Variants in SEMA3D observed in about 807,000 individuals in gnomAD.
The protein encoded by SEMA3D is semaphorin 3D.
A neutral mutation model predicts 100.1 loss-of-function variants in SEMA3D; 84 were observed. The ratio of observed to expected loss-of-function variants is 0.84; its 90% confidence interval spans 0.70 to 1.01. The LOEUF (loss-of-function observed/expected upper bound fraction) is 1.01, where lower values mean the gene tolerates loss of function less well. Among genes scored for constraint, SEMA3D ranks in the 50% least tolerant of loss-of-function variants. The pLI is 0.00. For missense variants in SEMA3D, 875 were observed against 934.1 expected (o/e 0.94, Z 0.82); for synonymous variants, 312 against 320.7 (o/e 0.97, Z 0.29).
intron 1 of SEMA3D, among the ~76,000 whole-genome samples, chr7:85,171,134 A>G (rs1791072329): frequency 6.6e-6 from 1 of 152,082 alleles, no homozygotes; most frequent in Non-Finnish European, 1.5e-5. Context: ...ACACTTGTGC[A>G]TACAAAGTCA....
intron 5 of SEMA3D, among the ~76,000 whole-genome samples, chr7:85,077,104 TA>T (rs558239429): frequency 4.8e-4 from 60 of 124,420 alleles, no homozygotes; most frequent in Non-Finnish European, 5.3e-4. Context: ...AGACTCCGTC[TA>T]AAAAAAAAAA....
At chr7:85,167,230 C>T (rs1790931682) in intron 1 of SEMA3D, 1 of 972,792 alleles carries the variant, frequency 1.0e-6, no homozygotes, top group African/African-American at 1.8e-5. Flanking sequence ...TAGGCTGAAA[C>T]ATTTTGCTTG....
chr7:85,144,139 C>T (rs1289268933), intron 2 of SEMA3D, among the ~76,000 whole-genome samples: 1 of 151,890 alleles, frequency 6.6e-6, no homozygotes, highest in Non-Finnish European at 1.5e-5. Flanking sequence ...AATTATTAAT[C>T]AAAAAACCAT....
intron 2 of SEMA3D, among the ~76,000 whole-genome samples, chr7:85,124,168 A>G (rs1789504418): frequency 6.6e-6 from 1 of 152,060 alleles, no homozygotes; most frequent in African/African-American, 2.4e-5. Flanking sequence ...ATCAGATTAG[A>G]TTTGAATATA....
At chr7:85,117,763 A>AGTATGTATGTAT (rs35480171) in intron 3 of SEMA3D, among the ~76,000 whole-genome samples, 16 of 145,806 alleles carry the variant, frequency 1.1e-4, no homozygotes, top group Non-Finnish European at 1.5e-4. Context: ...ACAGAGCAAG[A>AGTATGTATGTAT]GTATGTATGT....
At chr7:85,076,166 C>T (rs1791916218) in intron 5 of SEMA3D, among the ~76,000 whole-genome samples, 1 of 152,112 alleles carries the variant, frequency 6.6e-6, no homozygotes, top group Admixed American at 6.5e-5. Flanking sequence ...CAACTTAGGA[C>T]AAGTATTGAA....
intron 2 of SEMA3D, chr7:85,151,521 T>C: frequency 1.2e-5 from 7 of 574,950 alleles, no homozygotes; most frequent in Non-Finnish European, 1.5e-5. Flanking sequence ...TAATCAGAAC[T>C]AGGGATTAGA....
intron 2 of SEMA3D, among the ~76,000 whole-genome samples, chr7:85,137,447 G>A (rs985656244): frequency 6.6e-6 from 1 of 151,878 alleles, no homozygotes; most frequent in East Asian, 1.9e-4. Flanking sequence ...GATATGGCAA[G>A]GGAATATCTG....
At chr7:85,229,269 A>G in the SEMA3D span, among the ~76,000 whole-genome samples, 1 of 152,064 alleles carries the variant, frequency 6.6e-6, no homozygotes, top group Non-Finnish European at 1.5e-5. Context: ...TTAGATTCTG[A>G]TATCATCTCG....
At chr7:85,150,921 G>T (rs1006962078) in intron 2 of SEMA3D, among the ~76,000 whole-genome samples, 2 of 151,882 alleles carry the variant, frequency 1.3e-5, no homozygotes, top group Non-Finnish European at 2.9e-5. Flanking sequence ...TCCTTTTATT[G>T]TAAATGTTAG....
At chr7:85,136,129 A>G (rs1789861626) in intron 2 of SEMA3D, among the ~76,000 whole-genome samples, 1 of 152,166 alleles carries the variant, frequency 6.6e-6, no homozygotes, top group Non-Finnish European at 1.5e-5. Flanking sequence ...TGGGTAAGAA[A>G]GAATGTAGAG....
chr7:85,129,499 A>G (rs1789665423), intron 2 of SEMA3D, among the ~76,000 whole-genome samples: 1 of 152,024 alleles, frequency 6.6e-6, no homozygotes, highest in Non-Finnish European at 1.5e-5. Flanking sequence ...TGAGATGAGG[A>G]TTTCATCTTA....
chr7:85,040,470 G>A (rs949798989), intron 11 of SEMA3D, among the ~76,000 whole-genome samples: 1 of 151,348 alleles, frequency 6.6e-6, no homozygotes, highest in Non-Finnish European at 1.5e-5. Flanking sequence ...TATAGCTAAT[G>A]CTATACTGGC....
chr7:85,025,098 A>G (rs1048520790), intron 12 of SEMA3D, among the ~76,000 whole-genome samples: 1 of 151,950 alleles, frequency 6.6e-6, no homozygotes, highest in African/African-American at 2.4e-5. Context: ...CTCCGTATGT[A>G]TGTACTTTTA....
At chr7:85,214,965 G>A in the SEMA3D span, among the ~76,000 whole-genome samples, 1 of 151,934 alleles carries the variant, frequency 6.6e-6, no homozygotes, top group Admixed American at 6.6e-5. Flanking sequence ...AGAAAGAGTA[G>A]GAAAAATATT....
intron 1 of SEMA3D, chr7:85,157,464 T>G (rs1790632036): frequency 6.5e-6 from 1 of 154,188 alleles, no homozygotes; most frequent in Admixed American, 6.5e-5. Context: ...ACATTTTATG[T>G]GTCTTTTCTT....
In SEMA3D at chr7:85,065,563, GA is replaced by G; in HGVS notation, c.590-12del. On this transcript the variant is annotated splice_polypyrimidine_tract_variant and intron_variant, in intron 7 of 18. Transcript: ENST00000284136. Reference sequence around the variant, plus strand: ...AGTAGAGGTACTCATCTGAGAGGGAGAAAAAAGTACACAGAACTTTTAAGAG... The same window carrying G: ...AGTAGAGGTACTCATCTGAGAGGGAGAAAAAGTACACAGAACTTTTAAGAG... 1 of 1,610,270 alleles carries G rather than the reference GA, an allele frequency of 6.2e-7. No homozygotes were observed. Among genetic ancestry groups the G allele is most frequent in the Non-Finnish European group, 8.5e-7 (1 of 1,177,282 alleles).
the SEMA3D span, among the ~76,000 whole-genome samples, chr7:85,219,811 C>T: frequency 1.3e-5 from 2 of 151,978 alleles, no homozygotes; most frequent in Non-Finnish European, 2.9e-5. Context: ...TATGGTTTAA[C>T]AATCTCAAAC....
intron 2 of SEMA3D, among the ~76,000 whole-genome samples, chr7:85,152,954 T>C (rs570397470): frequency 6.6e-6 from 1 of 152,154 alleles, no homozygotes; most frequent in Admixed American, 6.6e-5. Context: ...AAGAAAGCTA[T>C]GCCTGCTAAT....
Sources: gnomAD v4.1 joint callset for allele counts (sites outside exome capture counted in the v4.1 genomes callset) on GRCh38, gnomAD v4.1.1 for gene constraint, MANE v1.5 for transcripts, NCBI Gene and HGNC (gene_info 2026-07-23, HGNC 2026-07-21) for gene names.